The following KAZN variants were observed in gnomAD, a reference collection of about 807,000 sequenced individuals.
KAZN encodes the protein kazrin.
KAZN carries 40 observed loss-of-function variants against 87.4 expected under a neutral mutation model. That is an observed-to-expected ratio of 0.46 (90% CI 0.36 to 0.60). The LOEUF is 0.60. KAZN is among the 20% of genes least tolerant of loss of function. KAZN has a pLI of 0.00. For synonymous variants in KAZN, 466 were observed against 458.3 expected, an observed-to-expected ratio of 1.02 and a Z score of -0.22; for missense variants, 898 against 1,073.9, an observed-to-expected ratio of 0.84 and a Z score of 2.29.
intron 2 of KAZN, among the ~76,000 whole-genome samples, chr1:14,972,732 C>T (rs1665202462): frequency 6.6e-6 from 1 of 151,982 alleles, no homozygotes; most frequent in East Asian, 1.9e-4. Flanking sequence ...CCAGGCTGGT[C>T]TCGAACTCCT....
chr1:14,354,547 G>A (rs1476384644), intron 2 of KAZN, among the ~76,000 whole-genome samples: 2 of 151,894 alleles, frequency 1.3e-5, no homozygotes, highest in African/African-American at 4.8e-5. Context: ...TGATAAAGAA[G>A]AACATAATAA....
intron 1 of KAZN, among the ~76,000 whole-genome samples, chr1:14,913,033 G>A (rs1453218139): frequency 6.6e-6 from 1 of 152,198 alleles, no homozygotes; most frequent in African/African-American, 2.4e-5. Context: ...ATGCGGAGGG[G>A]CTGGAGTGAT....
chr1:14,179,511 A>C (rs1416406506), intron 1 of KAZN, among the ~76,000 whole-genome samples: 1 of 152,226 alleles, frequency 6.6e-6, no homozygotes, highest in Non-Finnish European at 1.5e-5. Flanking sequence ...AGAAGTCTTC[A>C]AAGTCCCTCT....
At chr1:14,694,708 A>G (rs2148792025) in intron 1 of KAZN, among the ~76,000 whole-genome samples, 1 of 152,302 alleles carries the variant, frequency 6.6e-6, no homozygotes, top group Admixed American at 6.5e-5. Context: ...CTTAGGGAAA[A>G]GTCATTTCAC....
At position 15,065,615 on chromosome 1, in the gene KAZN, C is replaced by T; in HGVS notation, c.1099-15C>T. 1.9e-6 allele frequency: 3 copies of T among 1,598,736 alleles called. No homozygotes were observed. Among genetic ancestry groups the T allele is most frequent in the South Asian group, 1.1e-5 (1 of 89,494 alleles). ...TTCTCCCCCACCCTCTTCCACGTGG[C>T]TCCTGACTCCTCAGTCACTAGAGGA... is the stretch of plus-strand genomic sequence containing the variant. On this transcript the variant is annotated splice_polypyrimidine_tract_variant and intron_variant, in intron 7 of 14. Coordinates refer to ENST00000376030, the MANE Select transcript of KAZN (RefSeq NM_201628.3).
At chr1:14,309,058 T>C (rs1364752045) in intron 2 of KAZN, among the ~76,000 whole-genome samples, 3 of 152,236 alleles carry the variant, frequency 2.0e-5, no homozygotes, top group Non-Finnish European at 4.4e-5. Context: ...TCCTCATTTT[T>C]CCTAGAGCAA....
intron 1 of KAZN, among the ~76,000 whole-genome samples, chr1:14,817,625 A>G (rs61772305): frequency 0.046 from 7,051 of 152,262 alleles, 280 homozygotes; most frequent in African/African-American, 0.1. Context: ...CTCTCTGCAT[A>G]TGGTAGAAAA....
chr1:14,364,068 G>C (rs71629878), intron 2 of KAZN, among the ~76,000 whole-genome samples: 1 of 151,728 alleles, frequency 6.6e-6, no homozygotes, highest in Non-Finnish European at 1.5e-5. Flanking sequence ...TTTCATGTGG[G>C]ATGTGGTTTA....
At chr1:14,907,103 C>T (rs756256614) in intron 1 of KAZN, among the ~76,000 whole-genome samples, 3 of 151,628 alleles carry the variant, frequency 2.0e-5, no homozygotes, top group African/African-American at 7.3e-5. Context: ...CTTATTTGTA[C>T]GATTATTAGA....
chr1:14,434,123 T>C (rs1408351779), intron 2 of KAZN, among the ~76,000 whole-genome samples: 6 of 152,248 alleles, frequency 3.9e-5, no homozygotes, highest in Admixed American at 2.6e-4. Flanking sequence ...ATTGGCTCTT[T>C]TTTATTTTCA....
chr1:15,027,267 A>G (rs1671271270), intron 2 of KAZN, among the ~76,000 whole-genome samples: 2 of 151,626 alleles, frequency 1.3e-5, no homozygotes, highest in Admixed American at 1.3e-4. Context: ...ATTTTAGTAG[A>G]GACGGGGTTT....
At chr1:14,533,502 G>C (rs761960560) in intron 2 of KAZN, among the ~76,000 whole-genome samples, 1 of 152,134 alleles carries the variant, frequency 6.6e-6, no homozygotes, top group African/African-American at 2.4e-5. Context: ...CCAAACTCAC[G>C]GCTCTGCATC....
chr1:14,957,016 C>G (rs574940345), intron 1 of KAZN, among the ~76,000 whole-genome samples: 40 of 152,278 alleles, frequency 2.6e-4, no homozygotes, highest in African/African-American at 8.2e-4. Context: ...GCCAACTTCT[C>G]AAGGGTGTCC....
intron 1 of KAZN, among the ~76,000 whole-genome samples, chr1:14,046,647 C>A (rs1029704804): frequency 6.6e-6 from 1 of 152,118 alleles, no homozygotes; most frequent in Non-Finnish European, 1.5e-5. Context: ...CTCTCATGAC[C>A]CTGAATGGTG....
At chr1:14,299,488 G>A (rs1654376161) in intron 2 of KAZN, among the ~76,000 whole-genome samples, 1 of 152,174 alleles carries the variant, frequency 6.6e-6, no homozygotes, top group Non-Finnish European at 1.5e-5. Flanking sequence ...GGGCGACAGA[G>A]CAAGCAAGAC....
intron 2 of KAZN, among the ~76,000 whole-genome samples, chr1:14,222,730 G>A (rs1347641866): frequency 6.6e-6 from 1 of 152,200 alleles, no homozygotes; most frequent in Non-Finnish European, 1.5e-5. Context: ...AGGGATGAAT[G>A]TAAGGCTATT....
intron 1 of KAZN, among the ~76,000 whole-genome samples, chr1:13,967,737 C>T (rs981754024): frequency 3.9e-5 from 6 of 152,186 alleles, no homozygotes; most frequent in Admixed American, 1.3e-4. Context: ...TCACCCAGCC[C>T]GCCAAGCCTT....
chr1:14,564,169 TC>T (rs2148533244), intron 2 of KAZN, among the ~76,000 whole-genome samples: 1 of 152,266 alleles, frequency 6.6e-6, no homozygotes, highest in South Asian at 2.1e-4. Context: ...GCGCACCTCT[TC>T]CTGGTTGTGA....
At position 14,820,922 on chromosome 1, in the gene KAZN, G is replaced by A. The variant is rs1646720893; in HGVS notation, c.227-139762G>A. ...TGAATAAGGGCTCAGACGACATGAC[G>A]GCACCGGGGATGGCAAGGGCTGGAC... is the stretch of plus-strand genomic sequence containing the variant. On this transcript the variant is annotated intron_variant, in intron 1 of 14. Coordinates refer to ENST00000376030, the MANE Select transcript of KAZN (RefSeq NM_201628.3). This position sits in a 1 kb window ranked among gnomAD's most constrained non-coding sequence, Gnocchi z 4.1. Among the ~76,000 whole-genome samples the A allele has an allele frequency of 1.3e-5, 2 of 152,152 alleles. No homozygotes were observed. The highest frequency in any genetic ancestry group is 6.5e-5 in the Admixed American group (1 of 15,274).
Sources: gnomAD v4.1 joint callset for allele counts (sites outside exome capture counted in the v4.1 genomes callset) on GRCh38, gnomAD v4.1.1 for gene constraint, Gnocchi (gnomAD v3.1) non-coding constraint, MANE v1.5 for transcripts, NCBI Gene and HGNC (gene_info 2026-07-23, HGNC 2026-07-21) for gene names.